Variants in PKD1L3 observed in about 807,000 individuals in gnomAD.
PKD1L3 encodes the protein polycystin-1-like protein 3.
In PKD1L3, 239 loss-of-function variants were observed where a neutral mutation model predicts 184.1. The ratio of observed to expected loss-of-function variants is 1.30; its 90% CI spans 1.17 to 1.45. The LOEUF (loss-of-function observed/expected upper bound fraction) is 1.45. Among genes scored for constraint, PKD1L3 ranks in the 40% most tolerant of loss-of-function variants. PKD1L3 has a pLI of 0.00. For synonymous variants in PKD1L3, 996 were observed against 778.8 expected (o/e 1.28, Z -4.64); for missense variants, 2,660 against 2,067.2 (o/e 1.29, Z -5.56).
At chr16:71,942,514 C>A in intron 24 of PKD1L3, 46 bp downstream of exon 24, 1 of 1,464,498 alleles carries the variant, frequency 6.8e-7, no homozygotes, top group South Asian at 1.3e-5. Flanking sequence ...TATTGAACAG[C>A]CTTCTTTGCT....
rs2037882417 is a variant in PKD1L3, at chr16:71,930,134, A to T, written c.4976T>A (p.Val1659Asp). 2 of 1,551,638 alleles carry T rather than the reference A, an allele frequency of 1.3e-6. No individual in the cohort carries two copies. Among genetic ancestry groups the T allele is most frequent in the Non-Finnish European group, 1.7e-6 (2 of 1,146,868 alleles). The change falls in exon 29 of 30, where the codon GTC becomes GAC. Residue 1659 changes from valine (V) to aspartate (D), a missense_variant. Val to Asp is a radical substitution (Grantham distance 152). Transcript: ENST00000620267. Reference protein sequence around the residue: ...VLGTFLILTSVILMVLVVINL... With the variant: ...VLGTFLILTSDILMVLVVINL... ...AATTACCACAAGTACCATCAAGATG[A>T]CACTGGTGAGGATCAGAAAGGTGCC... is the stretch of plus-strand genomic sequence containing the variant.
At chr16:71,938,931 A>C (rs1337836088) in intron 24 of PKD1L3, among the ~76,000 whole-genome samples, 1 of 152,222 alleles carries the variant, frequency 6.6e-6, no homozygotes, top group Non-Finnish European at 1.5e-5. Context: ...CTGTAACACA[A>C]ACAGGGCTGA....
intron 1 of PKD1L3, among the ~76,000 whole-genome samples, chr16:71,998,981 C>T (rs993200776): frequency 2.0e-4 from 31 of 151,976 alleles, no homozygotes; most frequent in Admixed American, 2.0e-3. Flanking sequence ...TTTGAAAACA[C>T]TTTGTAAGGG....
chr16:71,952,054 A>T (rs898380839), intron 18 of PKD1L3, among the ~76,000 whole-genome samples: 2 of 152,138 alleles, frequency 1.3e-5, no homozygotes, highest in East Asian at 3.9e-4. Context: ...AATCATCAAG[A>T]GTAAAAGCTA....
At chr16:71,938,755 G>A (rs988384435) in intron 24 of PKD1L3, among the ~76,000 whole-genome samples, 1 of 152,208 alleles carries the variant, frequency 6.6e-6, no homozygotes, top group Non-Finnish European at 1.5e-5. Context: ...ACAATGGGAC[G>A]ACCTGCCTGT....
intron 12 of PKD1L3, among the ~76,000 whole-genome samples, chr16:71,971,161 G>T (rs1458428021): frequency 2.6e-5 from 4 of 152,202 alleles, no homozygotes; most frequent in African/African-American, 9.6e-5. Flanking sequence ...GAAGGAGAGA[G>T]ACTAGAGAGG....
chr16:71,999,058 T>C (rs1296558127), intron 1 of PKD1L3, among the ~76,000 whole-genome samples: 1 of 151,822 alleles, frequency 6.6e-6, no homozygotes, highest in African/African-American at 2.4e-5. Flanking sequence ...GATCACGAGG[T>C]CAGGAGATCA....
chr16:71,986,914 A>ATTTTTTTTTTTTT (rs71153694), intron 4 of PKD1L3, among the ~76,000 whole-genome samples: 4 of 81,366 alleles, frequency 4.9e-5, no homozygotes, highest in African/African-American at 2.2e-4. Flanking sequence ...TAAGGAGAGG[A>ATTTTTTTTTTTTT]TTTTTTTTTT....
chr16:71,938,728 T>A (rs1385635971), intron 24 of PKD1L3, among the ~76,000 whole-genome samples: 1 of 152,182 alleles, frequency 6.6e-6, no homozygotes, highest in East Asian at 1.9e-4. Context: ...CAGATCTCTC[T>A]GCTGAGGGCT....
At chr16:71,989,299 C>G (rs540935147) in intron 4 of PKD1L3, among the ~76,000 whole-genome samples, 1 of 152,144 alleles carries the variant, frequency 6.6e-6, no homozygotes, top group African/African-American at 2.4e-5. Flanking sequence ...GGATTACAGG[C>G]GCTCCACCAA....
chr16:71,957,332 G>A (rs1238553849), intron 16 of PKD1L3, among the ~76,000 whole-genome samples: 1 of 151,914 alleles, frequency 6.6e-6, no homozygotes, highest in Non-Finnish European at 1.5e-5. Flanking sequence ...AAAACAAATA[G>A]CAAAATGGCA....
At chr16:71,972,828 A>G (rs2039769200) in intron 12 of PKD1L3, among the ~76,000 whole-genome samples, 1 of 152,202 alleles carries the variant, frequency 6.6e-6, no homozygotes, top group Non-Finnish European at 1.5e-5. Context: ...GCAGGATCTC[A>G]CAGAATCACG....
chr16:71,979,469 G>GATAAA (rs138707442), intron 9 of PKD1L3, among the ~76,000 whole-genome samples: 34,000 of 121,260 alleles, frequency 0.28, 4,398 homozygotes, highest in African/African-American at 0.38. Context: ...AACAAAACAA[G>GATAAA]ACAAAACAAA....
intron 26 of PKD1L3, among the ~76,000 whole-genome samples, chr16:71,934,478 C>T (rs1371467606): frequency 6.6e-6 from 1 of 152,188 alleles, no homozygotes; most frequent in African/African-American, 2.4e-5. Flanking sequence ...GAGATTAACT[C>T]AGCCCAGAGA....
chr16:71,966,709 G>A (rs73578375), intron 15 of PKD1L3, among the ~76,000 whole-genome samples: 6,352 of 152,196 alleles, frequency 0.042, 425 homozygotes, highest in African/African-American at 0.15. Flanking sequence ...TGGGATTACA[G>A]GCGTGAGCTG....
chr16:71,973,275 A>G, intron 12 of PKD1L3, 49 bp downstream of exon 12: 26 of 1,528,268 alleles, frequency 1.7e-5, no homozygotes, highest in Non-Finnish European at 2.2e-5. Flanking sequence ...ATTGGGCTTA[A>G]CAGTAGCTAT....
At position 71,933,779 on chromosome 16, in the gene PKD1L3, G is replaced by A. The variant is rs968879115; in HGVS notation, c.4824+136C>T. 38 of 937,252 alleles carry A rather than the reference G, an allele frequency of 4.1e-5. 1 individual carries two copies. In the South Asian group the frequency reaches 5.9e-4, roughly 14 times the overall value. The allele number at this position is 937,252 out of a possible 1,614,324, so 58.1% of individuals were successfully genotyped here. Reference sequence around the variant, plus strand: ...TGTGGGTTTAAGTCATACCAGTTAAGTGTGGAACTAGATCTAAACCCGGCT... The same window carrying A: ...TGTGGGTTTAAGTCATACCAGTTAAATGTGGAACTAGATCTAAACCCGGCT... On this transcript the variant is annotated intron_variant, in intron 27 of 29. Coordinates refer to ENST00000620267, the MANE Select transcript of PKD1L3 (RefSeq NM_181536.2).
Position 71,977,246 on chromosome 16 carries a change from C to T in PKD1L3, c.1749G>A (p.Val583=). 6.5e-7 allele frequency: 1 copy of T among 1,527,120 alleles called. No homozygotes were observed. Among genetic ancestry groups the T allele is most frequent in the Non-Finnish European group, 8.9e-7 (1 of 1,124,846 alleles). The allele number at this position is 1,527,120 out of a possible 1,614,324, so 94.6% of individuals were successfully genotyped here. ...CTGATTGGGTTTTACCTTTTTGCCA[C>T]ACCTTATCCTTTGGAAGGGTGATGT... ...HLNITLPKDK[V]WQKDEEYTWV... The change falls in exon 11 of 30, where the codon GTG becomes GTA. Residue 583 remains valine, a synonymous_variant. Coordinates refer to ENST00000620267, the MANE Select transcript of PKD1L3 (RefSeq NM_181536.2).
intron 24 of PKD1L3, among the ~76,000 whole-genome samples, chr16:71,941,179 T>C (rs2038347772): frequency 6.6e-6 from 1 of 151,902 alleles, no homozygotes; most frequent in African/African-American, 2.4e-5. Context: ...GAACCTCTAA[T>C]GCTGAAAACT....
Sources: allele counts gnomAD v4.1 joint callset (sites outside exome capture counted in the v4.1 genomes callset), GRCh38; gene constraint gnomAD v4.1.1; transcripts MANE v1.5; gene names NCBI Gene and HGNC (gene_info 2026-07-23, HGNC 2026-07-21).